The following CTNND2 variants were observed in gnomAD, a reference collection of about 807,000 sequenced individuals.
CTNND2 encodes catenin delta-2.
CTNND2 carries 22 observed loss-of-function variants against 144.4 expected under a neutral mutation model. The observed-to-expected ratio is 0.15, with a 90% confidence interval of 0.11 to 0.22. The LOEUF is 0.22. CTNND2 is among the 10% of genes least tolerant of loss of function. The pLI, the probability that CTNND2 is intolerant of heterozygous loss-of-function variation, is 1.00. For synonymous variants in CTNND2, 751 were observed against 695.6 expected (o/e 1.08, Z -1.25); for missense variants, 1,353 against 1,618.8 (o/e 0.84, Z 2.82).
At chr5:11,745,759 C>T (rs1788275365) in intron 1 of CTNND2, among the ~76,000 whole-genome samples, 1 of 152,164 alleles carries the variant, frequency 6.6e-6, no homozygotes, top group Non-Finnish European at 1.5e-5. Flanking sequence ...AGTCAATCTT[C>T]CTTACCAACC....
chr5:11,430,422 TAAAAAA>T (rs5865939), intron 3 of CTNND2, among the ~76,000 whole-genome samples: 2 of 127,088 alleles, frequency 1.6e-5, no homozygotes, highest in Admixed American at 7.9e-5. Flanking sequence ...ATGACTTGAT[TAAAAAA>T]AAAAAAAAAA....
intron 9 of CTNND2, among the ~76,000 whole-genome samples, chr5:11,276,239 T>TA (rs2149986891): frequency 6.6e-6 from 1 of 152,238 alleles, no homozygotes; most frequent in Admixed American, 6.5e-5. Flanking sequence ...AGGATATACA[T>TA]ATGTGTGCAT....
At chr5:11,348,458 A>G (rs1379173532) in intron 8 of CTNND2, among the ~76,000 whole-genome samples, 3 of 142,748 alleles carry the variant, frequency 2.1e-5, no homozygotes, top group Non-Finnish European at 4.7e-5. Context: ...AAAAAAAAAG[A>G]AAAAAGAAAA....
intron 15 of CTNND2, among the ~76,000 whole-genome samples, chr5:11,093,432 T>C (rs1003032798): frequency 6.6e-6 from 1 of 152,248 alleles, no homozygotes; most frequent in African/African-American, 2.4e-5. Flanking sequence ...GAAAAACATT[T>C]ATCACTTTGC....
intron 11 of CTNND2, among the ~76,000 whole-genome samples, chr5:11,198,534 T>TAC (rs1737098585): frequency 6.6e-6 from 1 of 152,230 alleles, no homozygotes; most frequent in Non-Finnish European, 1.5e-5. Flanking sequence ...TCAGCATAGC[T>TAC]ACAAGGAAAT....
chr5:11,622,970 A>C (rs1185726375), intron 2 of CTNND2, among the ~76,000 whole-genome samples: 1 of 152,172 alleles, frequency 6.6e-6, no homozygotes, highest in African/African-American at 2.4e-5. Flanking sequence ...TCAAAGCAAC[A>C]TTAACAACAC....
At chr5:11,883,638 C>T (rs1378677836) in intron 1 of CTNND2, among the ~76,000 whole-genome samples, 1 of 152,188 alleles carries the variant, frequency 6.6e-6, no homozygotes, top group East Asian at 1.9e-4. Context: ...CTGCAATAAA[C>T]ATACGTGTGC....
At chr5:11,580,548 T>C (rs143611587) in intron 2 of CTNND2, among the ~76,000 whole-genome samples, 1 of 152,180 alleles carries the variant, frequency 6.6e-6, no homozygotes, top group Non-Finnish European at 1.5e-5. Flanking sequence ...TTCTAATCAA[T>C]CTAGATGCAA....
intron 9 of CTNND2, among the ~76,000 whole-genome samples, chr5:11,258,942 A>G (rs1260446050): frequency 6.6e-6 from 1 of 152,132 alleles, no homozygotes; most frequent in African/African-American, 2.4e-5. Context: ...TCCCCAATAC[A>G]TGAATCAGTG....
rs12153428 is a variant in CTNND2, at chr5:11,328,827, T to A, written c.1628+17545A>T. On this transcript the variant is annotated intron_variant, in intron 9 of 21. Transcript: ENST00000304623. ...CCAAGAGCAGGTGAGCTGTGTCCAG[T>A]GTGTTTCATACTGGACACCCACTCA... Among the ~76,000 whole-genome samples, 980 of 152,300 alleles carry A rather than the reference T, an allele frequency of 6.4e-3. 5 individuals are homozygous for A. Among genetic ancestry groups the A allele is most frequent in the Non-Finnish European group, 0.01 (684 of 68,022 alleles).
chr5:11,406,244 G>A (rs574486216), intron 5 of CTNND2, among the ~76,000 whole-genome samples: 8 of 152,266 alleles, frequency 5.3e-5, no homozygotes, highest in African/African-American at 1.7e-4. Context: ...ACTCAGACAC[G>A]CTTTCAGGAT....
At chr5:11,366,725 A>C (rs746195296) in intron 7 of CTNND2, among the ~76,000 whole-genome samples, 19 of 152,292 alleles carry the variant, frequency 1.2e-4, no homozygotes, top group Admixed American at 2.0e-4. Context: ...AGATAAATAA[A>C]AGTTATCCAT....
intron 3 of CTNND2, among the ~76,000 whole-genome samples, chr5:11,423,621 T>C (rs1453470288): frequency 6.6e-6 from 1 of 152,214 alleles, no homozygotes; most frequent in African/African-American, 2.4e-5. Flanking sequence ...TGTGATATTA[T>C]GTGCATGAGT....
chr5:11,599,712 A>C (rs939707152), intron 2 of CTNND2, among the ~76,000 whole-genome samples: 3 of 152,188 alleles, frequency 2.0e-5, no homozygotes, highest in Non-Finnish European at 4.4e-5. Flanking sequence ...GTGAAAAGTC[A>C]GGAAAATAGA....
chr5:11,431,408 T>C (rs141606245), intron 3 of CTNND2, among the ~76,000 whole-genome samples: 20 of 152,324 alleles, frequency 1.3e-4, no homozygotes, highest in African/African-American at 4.8e-4. Flanking sequence ...GGGATGTCCA[T>C]TTTTCTCCCT....
At chr5:11,140,210 G>T (rs1224181170) in intron 12 of CTNND2, among the ~76,000 whole-genome samples, 1 of 152,148 alleles carries the variant, frequency 6.6e-6, no homozygotes, top group Admixed American at 6.5e-5. Context: ...TTTCATTACA[G>T]TTGGGCATAC....
chr5:11,046,417 A>G (rs1449105917), intron 16 of CTNND2, among the ~76,000 whole-genome samples: 2 of 152,334 alleles, frequency 1.3e-5, no homozygotes, highest in African/African-American at 4.8e-5. Flanking sequence ...TTCCAAGGCA[A>G]TCGACCCTGT....
At chr5:11,363,246 T>C (rs2149769064) in intron 8 of CTNND2, among the ~76,000 whole-genome samples, 1 of 152,304 alleles carries the variant, frequency 6.6e-6, no homozygotes, top group South Asian at 2.1e-4. Flanking sequence ...TTAAAGTTTT[T>C]TTTTCTTATG....
intron 3 of CTNND2, among the ~76,000 whole-genome samples, chr5:11,420,730 C>A (rs1388157822): frequency 6.6e-6 from 1 of 152,168 alleles, no homozygotes; most frequent in African/African-American, 2.4e-5. Context: ...GATATAATCC[C>A]AAATGAATGT....
Sources: allele counts gnomAD v4.1 joint callset (sites outside exome capture counted in the v4.1 genomes callset), GRCh38; gene constraint gnomAD v4.1.1; transcripts MANE v1.5; gene names NCBI Gene and HGNC (gene_info 2026-07-23, HGNC 2026-07-21).